Variants in GRIN3A observed in about 807,000 individuals in gnomAD.
The protein encoded by GRIN3A is glutamate receptor ionotropic, NMDA 3A.
A neutral mutation model predicts 92.4 loss-of-function variants in GRIN3A; 47 were observed. That is an observed-to-expected ratio of 0.51 (90% CI 0.40 to 0.65). The LOEUF is 0.65. Ranked by LOEUF, GRIN3A falls within the 30% of genes least tolerant of loss-of-function variation. The pLI, the probability that GRIN3A is intolerant of heterozygous loss-of-function variation, is 0.00. For synonymous variants in GRIN3A, 527 were observed against 540.6 expected (o/e 0.97, Z 0.35); for missense variants, 1,324 against 1,393.1 (o/e 0.95, Z 0.79).
At chr9:101,714,298 G>A (rs1005687652) in intron 1 of GRIN3A, among the ~76,000 whole-genome samples, 3 of 152,110 alleles carry the variant, frequency 2.0e-5, no homozygotes, top group Non-Finnish European at 4.4e-5. Context: ...TGAAAAGAAA[G>A]TGTGATATGG....
At chr9:101,578,746 C>A (rs1017612276) in intron 7 of GRIN3A, among the ~76,000 whole-genome samples, 4 of 152,142 alleles carry the variant, frequency 2.6e-5, no homozygotes, top group Admixed American at 2.6e-4. Flanking sequence ...GAAGCTTGGC[C>A]TTGGCCCCAA....
intron 6 of GRIN3A, among the ~76,000 whole-genome samples, chr9:101,588,586 C>T (rs1327805164): frequency 2.0e-5 from 3 of 152,068 alleles, no homozygotes; most frequent in Non-Finnish European, 4.4e-5. Flanking sequence ...ATTATTAAAA[C>T]GACTCAGAAA....
At chr9:101,737,238 C>CCAG (rs1564155846) in intron 1 of GRIN3A, 43 bp downstream of exon 1, 1 of 1,548,284 alleles carries the variant, frequency 6.5e-7, no homozygotes, top group Admixed American at 1.7e-5. Context: ...GCCCCGGCCC[C>CCAG]CAGCAGCGCC....
At chr9:101,635,099 G>T (rs865981003) in intron 3 of GRIN3A, among the ~76,000 whole-genome samples, 52 of 152,198 alleles carry the variant, frequency 3.4e-4, no homozygotes, top group African/African-American at 1.2e-3. Context: ...GCAGTTTGCT[G>T]CCTCTCCCTT....
At chr9:101,594,768 T>A in intron 6 of GRIN3A, 1 of 1,614,020 alleles carries the variant, frequency 6.2e-7, no homozygotes, top group Non-Finnish European at 8.5e-7. Context: ...ACCAACGGGT[T>A]GTGGCGCAGC....
At chr9:101,659,592 T>A (rs1215561809) in intron 3 of GRIN3A, among the ~76,000 whole-genome samples, 2 of 150,270 alleles carry the variant, frequency 1.3e-5, no homozygotes, top group East Asian at 4.0e-4. Context: ...ACATAGAAAG[T>A]ATCTATGTAT....
chr9:101,628,029 G>A (rs1828656425), intron 4 of GRIN3A, among the ~76,000 whole-genome samples: 1 of 152,128 alleles, frequency 6.6e-6, no homozygotes. Flanking sequence ...TTTGAACAAA[G>A]CTACTACCAA....
Position 101,572,997 on chromosome 9 carries a change from GT to G in GRIN3A, c.*176del. The stretch of plus-strand genomic sequence containing the variant: ...CACTCCTACCCTGGAGACCTAGAGA[GT>G]GAGCTTGAGAGGAGCTGCTGCTGCA... On this transcript the variant is annotated 3_prime_UTR_variant, in exon 9 of 9. Coordinates refer to ENST00000361820, the MANE Select transcript of GRIN3A (RefSeq NM_133445.3). 2 of 630,440 alleles carry G rather than the reference GT, an allele frequency of 3.2e-6. No homozygotes were observed. The allele number at this position is 630,440 out of a possible 1,614,324, so 39.1% of individuals were successfully genotyped here.
chr9:101,576,959 G>T (rs985185425), intron 8 of GRIN3A, among the ~76,000 whole-genome samples: 4 of 152,138 alleles, frequency 2.6e-5, no homozygotes, highest in Non-Finnish European at 5.9e-5. Flanking sequence ...GTGTACAAAA[G>T]AATCAGTAGG....
At chr9:101,710,882 C>G (rs911979704) in intron 1 of GRIN3A, among the ~76,000 whole-genome samples, 1 of 152,174 alleles carries the variant, frequency 6.6e-6, no homozygotes, top group African/African-American at 2.4e-5. Flanking sequence ...AAATTGCAGT[C>G]TCCACAGCTC....
At chr9:101,721,722 G>A (rs889125671) in intron 1 of GRIN3A, among the ~76,000 whole-genome samples, 1 of 152,186 alleles carries the variant, frequency 6.6e-6, no homozygotes. Context: ...GAGACTGGAG[G>A]CATTTTACCC....
chr9:101,651,969 A>G (rs555793600), intron 3 of GRIN3A, among the ~76,000 whole-genome samples: 4 of 152,070 alleles, frequency 2.6e-5, no homozygotes, highest in African/African-American at 9.6e-5. Context: ...ATTTGATAAG[A>G]TCTGTCTTTT....
chr9:101,609,129 A>G (rs897587182), intron 6 of GRIN3A, among the ~76,000 whole-genome samples: 29 of 152,374 alleles, frequency 1.9e-4, no homozygotes, highest in African/African-American at 6.5e-4. Context: ...GCAATTGCCA[A>G]TGCTGGGGAA....
chr9:101,591,789 C>G (rs1375714449), intron 6 of GRIN3A: 1 of 152,158 alleles, frequency 6.6e-6, no homozygotes, highest in Non-Finnish European at 1.5e-5. Context: ...GATACAGGCT[C>G]TCAGTTCAAG....
intron 3 of GRIN3A, among the ~76,000 whole-genome samples, chr9:101,662,749 A>T (rs1829186672): frequency 1.3e-5 from 2 of 151,856 alleles, no homozygotes. Flanking sequence ...CAACTTGGTA[A>T]TATGGTAGTT....
At chr9:101,715,402 A>T (rs2119019681) in intron 1 of GRIN3A, among the ~76,000 whole-genome samples, 1 of 152,256 alleles carries the variant, frequency 6.6e-6, no homozygotes, top group East Asian at 1.9e-4. Context: ...CATGCCTATA[A>T]TCCTAGCACT....
rs35173546 is a variant in GRIN3A at position 101,579,464 on chromosome 9, C to T, written c.2767-104G>A. 9.1e-3 allele frequency: 9,908 copies of T among 1,091,006 alleles called. 60 individuals carry two copies. Among genetic ancestry groups the T allele is most frequent in the Non-Finnish European group, 0.012 (8,802 of 729,610 alleles). 67.6% of individuals were successfully genotyped at this position (1,091,006 alleles called of 1,614,324 possible). The stretch of plus-strand genomic sequence containing the variant: ...GATGGATATTCATTTTTTCTGGACT[C>T]AAGGACAGCTGGAGACTATTTCTCC... On this transcript the variant is annotated intron_variant, in intron 6 of 8. Coordinates refer to ENST00000361820, the MANE Select transcript of GRIN3A (RefSeq NM_133445.3).
rs1215945263 is a variant in GRIN3A, at chr9:101,624,226, A to ATTT, written c.2499-796_2499-794dup. Among the ~76,000 whole-genome samples, 237 of 148,896 alleles carry ATTT rather than the reference A, an allele frequency of 1.6e-3. 3 individuals are homozygous for ATTT. The highest frequency in any genetic ancestry group is 5.7e-3 in the African/African-American group (224 of 39,104). ...TTTTAAAAATTTTTTTTATTTTTTT[A>ATTT]TTTTATTATTATTATACTTTAAGTT... is the stretch of plus-strand genomic sequence containing the variant. On this transcript the variant is annotated intron_variant, in intron 4 of 8. Coordinates refer to ENST00000361820, the MANE Select transcript of GRIN3A (RefSeq NM_133445.3).
intron 6 of GRIN3A, among the ~76,000 whole-genome samples, chr9:101,606,018 C>T (rs555834906): frequency 6.6e-6 from 1 of 152,170 alleles, no homozygotes; most frequent in Non-Finnish European, 1.5e-5. Context: ...GATGGGAGAG[C>T]CAGGGTGGTC....
Sources: gnomAD v4.1 joint callset for allele counts (sites outside exome capture counted in the v4.1 genomes callset) on GRCh38, gnomAD v4.1.1 for gene constraint, MANE v1.5 for transcripts, NCBI Gene and HGNC (gene_info 2026-07-23, HGNC 2026-07-21) for gene names.